Variants in LCORL observed in about 807,000 individuals in gnomAD.
The protein encoded by LCORL is ligand-dependent nuclear receptor corepressor-like protein.
LCORL carries 41 observed loss-of-function variants against 141.8 expected under a neutral mutation model. That is an observed-to-expected ratio of 0.29 (90% confidence interval 0.23 to 0.38). The LOEUF is 0.38. Ranked by LOEUF, LCORL falls within the 10% of genes least tolerant of loss-of-function variation. The pLI is 1.00. For synonymous variants in LCORL, 618 were observed against 694.1 expected (o/e 0.89, Z 1.72); for missense variants, 1,759 against 2,035.0 (o/e 0.86, Z 2.61).
chr4:17,913,304 A>T, intron 4 of LCORL, among the ~76,000 whole-genome samples: 1 of 152,242 alleles, frequency 6.6e-6, no homozygotes, highest in African/African-American at 2.4e-5. Flanking sequence ...GTTGCAGACA[A>T]CAGCAGAGCT....
chr4:17,959,971 A>G (rs1713457886), intron 4 of LCORL, among the ~76,000 whole-genome samples: 1 of 152,110 alleles, frequency 6.6e-6, no homozygotes, highest in Non-Finnish European at 1.5e-5. Context: ...AGGAGTTAAG[A>G]CCATTTAAAA....
At chr4:17,896,859 T>C (rs1459732630) in intron 5 of LCORL, among the ~76,000 whole-genome samples, 1 of 152,050 alleles carries the variant, frequency 6.6e-6, no homozygotes, top group Admixed American at 6.6e-5. Flanking sequence ...CCCCACTTCC[T>C]CCTTACCCCA....
Position 17,843,304 on chromosome 4 carries a change from A to G in LCORL, c.*2584T>C, listed in dbSNP as rs1488857911. On this transcript the variant is annotated 3_prime_UTR_variant, in exon 8 of 8. Transcript: ENST00000635767. ...GTGTATTTTCAACATCTATTTAGTG[A>G]TCATGAAGTTCCAGAACCAGAATCA... 3.7e-6 allele frequency: 6 copies of G among 1,611,256 alleles called. No homozygotes were observed. In the Middle Eastern group the frequency reaches 8.3e-4, roughly 222 times the overall value.
At chr4:18,008,181 T>G (rs912195731) in intron 1 of LCORL, among the ~76,000 whole-genome samples, 3 of 152,182 alleles carry the variant, frequency 2.0e-5, no homozygotes, top group Non-Finnish European at 4.4e-5. Flanking sequence ...AACTTAACAC[T>G]GCAAGTCTGT....
intron 7 of LCORL, among the ~76,000 whole-genome samples, chr4:17,854,931 T>C (rs1055691731): frequency 2.6e-5 from 4 of 151,958 alleles, no homozygotes; most frequent in Non-Finnish European, 4.4e-5. Flanking sequence ...ATTATTTATA[T>C]TAACTTTGTT....
intron 4 of LCORL, among the ~76,000 whole-genome samples, chr4:17,938,974 T>G (rs1245961523): frequency 6.6e-6 from 1 of 152,198 alleles, no homozygotes; most frequent in Non-Finnish European, 1.5e-5. Context: ...GGACAAAGTC[T>G]ATAAAAGCAC....
intron 7 of LCORL, chr4:17,866,894 G>C (rs1725736571): frequency 1.8e-6 from 1 of 549,400 alleles, no homozygotes; most frequent in African/African-American, 2.1e-5. Flanking sequence ...AGAACATTTA[G>C]ACCTTGAGGC....
intron 5 of LCORL, among the ~76,000 whole-genome samples, chr4:17,889,690 A>G (rs1395215670): frequency 1.3e-5 from 2 of 151,804 alleles, no homozygotes; most frequent in Non-Finnish European, 2.9e-5. Flanking sequence ...AAAAACAAAA[A>G]CAATGAGACA....
At chr4:17,892,429 G>A (rs1364500970) in intron 5 of LCORL, among the ~76,000 whole-genome samples, 1 of 151,800 alleles carries the variant, frequency 6.6e-6, no homozygotes, top group African/African-American at 2.4e-5. Flanking sequence ...GGCTGGTCTC[G>A]AACTCCTGAG....
In LCORL at chr4:17,895,790, A is replaced by G. The variant is rs149279117; in HGVS notation, c.683-9629T>C. On this transcript the variant is annotated intron_variant, in intron 5 of 7. Coordinates refer to ENST00000635767, the Ensembl canonical transcript of LCORL. ...CCTATTCTAAACATTTCATACAAAT[A>G]GAATCATATATTTGGTCTTTTTTGA... Among the ~76,000 whole-genome samples the G allele has an allele frequency of 2.9e-3, 439 of 152,342 alleles. 7 individuals are homozygous for G. Among genetic ancestry groups the G allele is most frequent in the Admixed American group, 0.025 (384 of 15,304 alleles).
At chr4:17,852,583 C>A (rs1723887975) in intron 7 of LCORL, among the ~76,000 whole-genome samples, 1 of 152,090 alleles carries the variant, frequency 6.6e-6, no homozygotes, top group Admixed American at 6.6e-5. Context: ...GGCCTCTTCT[C>A]TATCAAACTA....
At chr4:17,985,316 G>T (rs1444337262) in intron 1 of LCORL, among the ~76,000 whole-genome samples, 1 of 152,066 alleles carries the variant, frequency 6.6e-6, no homozygotes, top group African/African-American at 2.4e-5. Flanking sequence ...TTCAGGTCCT[G>T]AATATCTTGT....
intron 1 of LCORL, among the ~76,000 whole-genome samples, chr4:17,987,613 C>A (rs1417172695): frequency 6.6e-6 from 1 of 152,086 alleles, no homozygotes; most frequent in Non-Finnish European, 1.5e-5. Flanking sequence ...TTAAAAAAAA[C>A]TGACAAACTG....
intron 5 of LCORL, among the ~76,000 whole-genome samples, chr4:17,893,971 G>GT (rs1362463430): frequency 6.6e-6 from 1 of 151,958 alleles, no homozygotes; most frequent in African/African-American, 2.4e-5. Flanking sequence ...GCTAATTTTT[G>GT]TATTTTTAGT....
At chr4:17,842,372 T>C (rs1219220575) in exon 8 of LCORL, 3 of 1,611,634 alleles carry the variant, frequency 1.9e-6, no homozygotes, top group Non-Finnish European at 2.5e-6. Flanking sequence ...TGAAGCCGAC[T>C]CTGAAAGGTA....
intron 4 of LCORL, among the ~76,000 whole-genome samples, chr4:17,923,884 T>C (rs1348314571): frequency 2.6e-5 from 4 of 152,084 alleles, no homozygotes; most frequent in Non-Finnish European, 5.9e-5. Flanking sequence ...CGAATTTCTT[T>C]GTCACCAATT....
At chr4:17,934,685 T>C (rs1398942418) in intron 4 of LCORL, among the ~76,000 whole-genome samples, 2 of 152,202 alleles carry the variant, frequency 1.3e-5, no homozygotes, top group Admixed American at 1.3e-4. Flanking sequence ...GGAATGCAGA[T>C]CTGCAGAATT....
rs993079988 is a variant in LCORL at position 18,021,171 on chromosome 4, G to C, written c.154+427C>G. On this transcript the variant is annotated intron_variant, in intron 1 of 7. Transcript: ENST00000635767. The surrounding 1 kb of genome is among the most constrained non-coding windows in gnomAD (Gnocchi z 5.5). ...TGTGTGTGCGCTCGGCGGGGGCGCG[G>C]ACCAGCCCGCCTTCCTCCGGCCGCC... Among the ~76,000 whole-genome samples the C allele has an allele frequency of 6.6e-6, 1 of 151,966 alleles. No homozygotes were observed. The highest frequency in any genetic ancestry group is 2.4e-5 in the African/African-American group (1 of 41,412).
At chr4:17,924,250 T>A (rs887837316) in intron 4 of LCORL, among the ~76,000 whole-genome samples, 5 of 152,184 alleles carry the variant, frequency 3.3e-5, no homozygotes, top group Non-Finnish European at 7.3e-5. Flanking sequence ...AGTAATCAAG[T>A]GGATAGGATG....
Sources: allele counts gnomAD v4.1 joint callset (sites outside exome capture counted in the v4.1 genomes callset), GRCh38; gene constraint gnomAD v4.1.1; non-coding constraint Gnocchi (gnomAD v3.1); transcripts MANE v1.5; gene names NCBI Gene and HGNC (gene_info 2026-07-23, HGNC 2026-07-21).